The following JAZF1 variants were observed in gnomAD, a reference collection of about 807,000 sequenced individuals.
JAZF1 encodes the protein JAZF zinc finger 1, also known as juxtaposed with another zinc finger protein 1.
A neutral mutation model predicts 26.4 loss-of-function variants in JAZF1; 8 were observed. The observed-to-expected ratio is 0.30, with a 90% CI of 0.18 to 0.55. JAZF1 has a LOEUF of 0.55. JAZF1 is among the 20% of genes least tolerant of loss of function. The probability of loss-of-function intolerance (pLI) is 0.94; values close to 1 mark genes in which losing one functional copy is unlikely to be tolerated. For synonymous variants in JAZF1, 126 were observed against 122.3 expected (o/e 1.03, Z -0.20); for missense variants, 199 against 322.0 (o/e 0.62, Z 2.92).
intron 3 of JAZF1, among the ~76,000 whole-genome samples, chr7:27,877,797 C>T (rs565497212): frequency 2.0e-4 from 31 of 152,250 alleles, no homozygotes; most frequent in Middle Eastern, 3.4e-3. Context: ...TTCACGTCTA[C>T]GTTATTTGTG....
At chr7:27,857,041 G>A (rs183897005) in intron 3 of JAZF1, among the ~76,000 whole-genome samples, 47 of 152,354 alleles carry the variant, frequency 3.1e-4, no homozygotes, top group African/African-American at 1.0e-3. Flanking sequence ...TGCCAGTCCC[G>A]CGCCGTGTGC....
intron 3 of JAZF1, among the ~76,000 whole-genome samples, chr7:27,876,921 T>C (rs1783689664): frequency 6.6e-6 from 1 of 152,228 alleles, no homozygotes. Context: ...TTTCTATTGC[T>C]GCTTTGTAGC....
At chr7:27,903,598 C>G (rs1204175623) in intron 2 of JAZF1, among the ~76,000 whole-genome samples, 1 of 152,208 alleles carries the variant, frequency 6.6e-6, no homozygotes, top group East Asian at 1.9e-4. Context: ...GAAGGTTCCT[C>G]TCATTAGACA....
chr7:27,949,008 A>G (rs1312182508), intron 2 of JAZF1, among the ~76,000 whole-genome samples: 1 of 152,218 alleles, frequency 6.6e-6, no homozygotes, highest in Non-Finnish European at 1.5e-5. Flanking sequence ...AAGGCTGCAT[A>G]AGAGGCCAAA....
chr7:28,073,971 T>C (rs2127911929), intron 1 of JAZF1, among the ~76,000 whole-genome samples: 1 of 136,660 alleles, frequency 7.3e-6, no homozygotes, highest in South Asian at 2.3e-4. Context: ...AAAAAAAGTT[T>C]ACTTAGTTAA....
At chr7:27,939,883 A>G (rs1456692204) in intron 2 of JAZF1, among the ~76,000 whole-genome samples, 2 of 152,116 alleles carry the variant, frequency 1.3e-5, no homozygotes, top group Non-Finnish European at 2.9e-5. Context: ...GGATGAACAC[A>G]TTGGAATCTG....
chr7:27,925,818 C>T (rs1476952773), intron 2 of JAZF1, among the ~76,000 whole-genome samples: 3 of 152,170 alleles, frequency 2.0e-5, no homozygotes, highest in Admixed American at 2.0e-4. Context: ...ATCATGGCAG[C>T]CCCTCCTACA....
chr7:28,097,582 T>C (rs1378407100), intron 1 of JAZF1, among the ~76,000 whole-genome samples: 1 of 152,196 alleles, frequency 6.6e-6, no homozygotes, highest in African/African-American at 2.4e-5. Context: ...TGGACCTACA[T>C]TGTGTTCTGA....
intron 2 of JAZF1, among the ~76,000 whole-genome samples, chr7:27,945,532 C>A (rs190123219): frequency 8.6e-4 from 131 of 152,318 alleles, no homozygotes; most frequent in African/African-American, 3.0e-3. Flanking sequence ...ACACCCAGGT[C>A]AAGTTACACC....
intron 1 of JAZF1, among the ~76,000 whole-genome samples, chr7:28,065,476 CTT>C (rs1203413637): frequency 1.3e-5 from 2 of 152,136 alleles, no homozygotes; most frequent in Admixed American, 1.3e-4. Flanking sequence ...AAGAAACACA[CTT>C]TGTTTATTGC....
Position 27,845,353 on chromosome 7 carries a change from A to C in JAZF1, c.386-4486T>G, listed in dbSNP as rs1049990111. Among the ~76,000 whole-genome samples, 7 of 152,156 alleles carry C rather than the reference A, an allele frequency of 4.6e-5. No homozygotes were observed. The East Asian group carries it at 1.3e-3, about 29-fold the overall frequency. ...GGGTCAGAATGTTGCAACTCACTTC[A>C]GAATGAACAATGCAGACCACTGAAT... On this transcript the variant is annotated intron_variant, in intron 3 of 4. Transcript: ENST00000283928.
At chr7:28,143,628 T>A (rs1782987411) in intron 1 of JAZF1, among the ~76,000 whole-genome samples, 2 of 152,172 alleles carry the variant, frequency 1.3e-5, no homozygotes, top group African/African-American at 4.8e-5. Context: ...TACTACAGTG[T>A]CCCTCTGATC....
Position 27,838,404 on chromosome 7 carries a change from C to T in JAZF1, c.555+2294G>A, listed in dbSNP as rs112632350. On this transcript the variant is annotated intron_variant, in intron 4 of 4. Coordinates refer to ENST00000283928, the MANE Select transcript of JAZF1 (RefSeq NM_175061.4). ...CTGCTCTGCATGAGGTCTGGGAGTT[C>T]GGTACCTCATCTTCTGTCTGATCCG... Among the ~76,000 whole-genome samples the T allele has an allele frequency of 2.1e-3, 326 of 152,208 alleles. 1 individual carries two copies. The highest frequency in any genetic ancestry group is 6.8e-3 in the Middle Eastern group (2 of 294).
intron 1 of JAZF1, among the ~76,000 whole-genome samples, chr7:28,009,312 C>T (rs1782758178): frequency 1.3e-5 from 2 of 152,020 alleles, no homozygotes; most frequent in Admixed American, 1.3e-4. Context: ...CTTCAGCCCA[C>T]ACCTTCCTAC....
intron 1 of JAZF1, among the ~76,000 whole-genome samples, chr7:28,174,794 T>C (rs1783523080): frequency 1.2e-5 from 1 of 86,470 alleles, no homozygotes; most frequent in South Asian, 3.2e-4. Context: ...GATTTCGGGT[T>C]CCCTGATCCT....
chr7:27,999,119 G>A (rs2128367139), intron 1 of JAZF1, among the ~76,000 whole-genome samples: 1 of 152,300 alleles, frequency 6.6e-6, no homozygotes, highest in South Asian at 2.1e-4. Flanking sequence ...TGCAAGATAT[G>A]CTTGTGAAGT....
chr7:28,140,415 G>A (rs1259318051), intron 1 of JAZF1, among the ~76,000 whole-genome samples: 1 of 152,014 alleles, frequency 6.6e-6, no homozygotes, highest in Non-Finnish European at 1.5e-5. Flanking sequence ...CCAGAAAACA[G>A]GCAGAGAATA....
At chr7:27,847,157 T>TC (rs1783047311) in intron 3 of JAZF1, among the ~76,000 whole-genome samples, 1 of 149,048 alleles carries the variant, frequency 6.7e-6, no homozygotes, top group African/African-American at 2.5e-5. Context: ...TTTTCTTTTT[T>TC]TTTTTTTTTT....
chr7:28,176,201 C>A (rs1783549112), intron 1 of JAZF1, among the ~76,000 whole-genome samples: 1 of 152,222 alleles, frequency 6.6e-6, no homozygotes, highest in Admixed American at 6.5e-5. Flanking sequence ...TGAGACTCTG[C>A]CCCTTAACTG....
Sources: allele counts gnomAD v4.1 joint callset (sites outside exome capture counted in the v4.1 genomes callset), GRCh38; gene constraint gnomAD v4.1.1; transcripts MANE v1.5; gene names NCBI Gene and HGNC (gene_info 2026-07-23, HGNC 2026-07-21).